Variants in ZNRF1 observed in about 807,000 individuals in gnomAD.
ZNRF1 encodes E3 ubiquitin-protein ligase ZNRF1.
ZNRF1 carries 3 observed loss-of-function variants against 18.4 expected under a neutral mutation model. The observed-to-expected ratio is 0.16, with a 90% CI of 0.07 to 0.42. The LOEUF (loss-of-function observed/expected upper bound fraction) is 0.42, where lower values mean the gene tolerates loss of function less well. ZNRF1 is among the 10% of genes least tolerant of loss of function. ZNRF1 has a pLI of 0.99. For synonymous variants in ZNRF1, 157 were observed against 144.2 expected (o/e 1.09, Z -0.64); for missense variants, 310 against 329.8 (o/e 0.94, Z 0.47).
intron 1 of ZNRF1, among the ~76,000 whole-genome samples, chr16:75,045,568 T>A: frequency 6.6e-6 from 1 of 152,088 alleles, no homozygotes; most frequent in African/African-American, 2.4e-5. Flanking sequence ...TGTTTGTTTG[T>A]TTGTTTGTTT....
intron 1 of ZNRF1, among the ~76,000 whole-genome samples, chr16:75,077,808 C>T (rs2035960642): frequency 6.6e-6 from 1 of 152,154 alleles, no homozygotes; most frequent in Non-Finnish European, 1.5e-5. Context: ...GGCTCATGGT[C>T]CCTTCCTCTA....
rs1344513990 is a variant in ZNRF1, at chr16:74,999,050, C to A, written c.-622C>A. On this transcript the variant is annotated 5_prime_UTR_variant, in exon 1 of 5. Transcript: ENST00000335325. ...TTGTCTCCACGGCGGCGAGGAGCGC[C>A]GGCGAGCGCAGCCCGGGACCGAGCG... 3 of 150,362 alleles carry A rather than the reference C, an allele frequency of 2.0e-5. No homozygotes were observed. Among genetic ancestry groups the A allele is most frequent in the African/African-American group, 7.3e-5 (3 of 41,130 alleles). 9.3% of individuals were successfully genotyped at this position (150,362 alleles called of 1,614,324 possible).
At chr16:75,069,661 C>T (rs1046280839) in intron 1 of ZNRF1, among the ~76,000 whole-genome samples, 1 of 152,214 alleles carries the variant, frequency 6.6e-6, no homozygotes, top group Non-Finnish European at 1.5e-5. Context: ...ATCCACCCGC[C>T]TCGGCCTCCC....
intron 1 of ZNRF1, among the ~76,000 whole-genome samples, chr16:75,090,106 G>T (rs2145418732): frequency 6.6e-6 from 1 of 152,248 alleles, no homozygotes; most frequent in South Asian, 2.1e-4. Flanking sequence ...GTGTCCTTTA[G>T]TTATTTAAAG....
At chr16:75,053,305 A>T (rs1350551298) in intron 1 of ZNRF1, among the ~76,000 whole-genome samples, 1 of 152,106 alleles carries the variant, frequency 6.6e-6, no homozygotes, top group Non-Finnish European at 1.5e-5. Context: ...AAAATCGCCA[A>T]TGGCTGGGTG....
intron 1 of ZNRF1, among the ~76,000 whole-genome samples, chr16:75,066,370 T>C (rs1466337183): frequency 6.6e-6 from 1 of 152,200 alleles, no homozygotes; most frequent in Non-Finnish European, 1.5e-5. Flanking sequence ...GACATGATTA[T>C]CTCATTTGAT....
chr16:75,102,881 A>G (rs778726597), intron 2 of ZNRF1, among the ~76,000 whole-genome samples: 2 of 152,166 alleles, frequency 1.3e-5, no homozygotes, highest in African/African-American at 2.4e-5. Context: ...CCGCACACGC[A>G]GGGCTGCTGC....
intron 1 of ZNRF1, among the ~76,000 whole-genome samples, chr16:75,030,895 C>T (rs1212901838): frequency 4.8e-5 from 6 of 125,750 alleles, no homozygotes; most frequent in East Asian, 2.4e-4. Context: ...GGCTGGAGTG[C>T]GGTGGCGTGA....
At chr16:75,019,831 C>T (rs2035121386) in intron 1 of ZNRF1, among the ~76,000 whole-genome samples, 1 of 152,040 alleles carries the variant, frequency 6.6e-6, no homozygotes, top group Admixed American at 6.6e-5. Context: ...CTCAAGCGAT[C>T]CTCCTGCCTC....
intron 2 of ZNRF1, among the ~76,000 whole-genome samples, chr16:75,103,120 G>A (rs915718818): frequency 3.3e-5 from 5 of 152,020 alleles, no homozygotes; most frequent in African/African-American, 4.8e-5. Flanking sequence ...TTCCTTGTTC[G>A]GCATCCCTGC....
At chr16:75,046,020 A>G (rs2035510770) in intron 1 of ZNRF1, among the ~76,000 whole-genome samples, 2 of 152,020 alleles carry the variant, frequency 1.3e-5, no homozygotes, top group Middle Eastern at 3.4e-3. Flanking sequence ...CTCCTGCCTC[A>G]GCCTCCCAAG....
chr16:75,079,936 G>A (rs1346173181), intron 1 of ZNRF1, among the ~76,000 whole-genome samples: 1 of 152,194 alleles, frequency 6.6e-6, no homozygotes, highest in Non-Finnish European at 1.5e-5. Context: ...TGTTTTTTGA[G>A]ACGGAGTCTC....
intron 1 of ZNRF1, among the ~76,000 whole-genome samples, chr16:75,046,472 G>A (rs1032992131): frequency 1.1e-4 from 17 of 151,718 alleles, no homozygotes; most frequent in African/African-American, 2.2e-4. Flanking sequence ...GGTTGATCCC[G>A]AACTCCTGAC....
intron 1 of ZNRF1, among the ~76,000 whole-genome samples, chr16:75,068,238 C>T (rs1419159367): frequency 4.6e-5 from 7 of 150,830 alleles, no homozygotes; most frequent in Non-Finnish European, 8.8e-5. Context: ...ATTGCATGCA[C>T]CTGTAGTCTC....
intron 3 of ZNRF1, 57 bp from the exon 4 acceptor site, chr16:75,106,425 T>C: frequency 6.2e-7 from 1 of 1,605,982 alleles, no homozygotes; most frequent in Non-Finnish European, 8.5e-7. Flanking sequence ...AAAGAGCCCC[T>C]TCAAAGCAGC....
intron 1 of ZNRF1, among the ~76,000 whole-genome samples, chr16:75,066,274 T>C (rs2035802973): frequency 6.6e-6 from 1 of 152,204 alleles, no homozygotes; most frequent in Non-Finnish European, 1.5e-5. Flanking sequence ...ATTGAGGACA[T>C]ATATCACAAA....
intron 1 of ZNRF1, among the ~76,000 whole-genome samples, chr16:75,079,944 C>T (rs1399471428): frequency 6.6e-6 from 1 of 152,194 alleles, no homozygotes; most frequent in Non-Finnish European, 1.5e-5. Flanking sequence ...GAGACGGAGT[C>T]TCACTCTGCC....
Position 75,033,685 on chromosome 16 carries a change from C to T in ZNRF1, c.424+33590C>T, listed in dbSNP as rs562839465. Reference sequence around the variant, plus strand: ...CTCCTGACCTCAAGTGATCTGTTTCCCTCGGCCTCCCAAAGTGTTGGGATT... The same window carrying T: ...CTCCTGACCTCAAGTGATCTGTTTCTCTCGGCCTCCCAAAGTGTTGGGATT... On this transcript the variant is annotated intron_variant, in intron 1 of 4. Coordinates refer to ENST00000335325, the MANE Select transcript of ZNRF1 (RefSeq NM_032268.5). Among the ~76,000 whole-genome samples, 3 of 152,172 alleles carry T rather than the reference C, an allele frequency of 2.0e-5. No homozygotes were observed. In the East Asian group the frequency reaches 5.8e-4, roughly 29 times the overall value.
intron 1 of ZNRF1, among the ~76,000 whole-genome samples, chr16:75,092,649 C>A (rs1429911694): frequency 6.6e-6 from 1 of 152,222 alleles, no homozygotes; most frequent in Non-Finnish European, 1.5e-5. Flanking sequence ...TCGAAAGATT[C>A]TCAACCAAAA....
Sources: gnomAD v4.1 joint callset for allele counts (sites outside exome capture counted in the v4.1 genomes callset) on GRCh38, gnomAD v4.1.1 for gene constraint, MANE v1.5 for transcripts, NCBI Gene and HGNC (gene_info 2026-07-23, HGNC 2026-07-21) for gene names.